GRM1: variants seen among roughly 807,000 people sequenced by gnomAD.
The protein encoded by GRM1 is metabotropic glutamate receptor 1.
In GRM1, 33 loss-of-function variants were observed where a neutral mutation model predicts 90.9. The ratio of observed to expected loss-of-function variants is 0.36; its 90% CI spans 0.28 to 0.49. The LOEUF is 0.49. Among genes scored for constraint, GRM1 ranks in the 20% least tolerant of loss-of-function variants. The pLI, the probability that GRM1 is intolerant of heterozygous loss-of-function variation, is 0.99. For missense variants in GRM1, 1,190 were observed against 1,534.3 expected, an observed-to-expected ratio of 0.78 and a Z score of 3.75; for synonymous variants, 700 against 613.2, an observed-to-expected ratio of 1.14 and a Z score of -2.09.
intron 1 of GRM1, among the ~76,000 whole-genome samples, chr6:146,044,614 T>TA (rs1243033761): frequency 1.3e-5 from 2 of 151,986 alleles, no homozygotes; most frequent in Non-Finnish European, 2.9e-5. Context: ...TGTGTGTTGA[T>TA]ACATGTGAGG....
chr6:146,247,583 T>C (rs1373269405), intron 2 of GRM1, among the ~76,000 whole-genome samples: 4 of 151,742 alleles, frequency 2.6e-5, no homozygotes, highest in Non-Finnish European at 5.9e-5. Flanking sequence ...ACCCTGACTC[T>C]AGTAAAGATA....
intron 2 of GRM1, among the ~76,000 whole-genome samples, chr6:146,268,473 C>T (rs1013074877): frequency 1.3e-5 from 2 of 152,198 alleles, no homozygotes; most frequent in African/African-American, 4.8e-5. Context: ...GTCTTTCCTG[C>T]ATTCCTTCAT....
chr6:146,204,761 G>T (rs182475219), intron 2 of GRM1, among the ~76,000 whole-genome samples: 12 of 152,306 alleles, frequency 7.9e-5, no homozygotes, highest in Non-Finnish European at 1.3e-4. Context: ...GTGCTTTTGG[G>T]ATGCTCAGGT....
intron 2 of GRM1, among the ~76,000 whole-genome samples, chr6:146,271,854 C>A (rs1456863361): frequency 1.3e-5 from 2 of 152,188 alleles, no homozygotes; most frequent in Admixed American, 6.5e-5. Flanking sequence ...AATGAGTCTT[C>A]AATGGTCAGA....
At chr6:146,270,900 T>C (rs1234668497) in intron 2 of GRM1, among the ~76,000 whole-genome samples, 6 of 115,278 alleles carry the variant, frequency 5.2e-5, no homozygotes, top group African/African-American at 1.7e-4. Flanking sequence ...TTTCTTTCTT[T>C]CTTTCTTTCT....
At chr6:146,357,831 GT>G in intron 5 of GRM1, 137 bp downstream of exon 5, 1 of 738,294 alleles carries the variant, frequency 1.4e-6, no homozygotes, top group Non-Finnish European at 2.4e-6. Flanking sequence ...TGGCTCTTGA[GT>G]TTAGGTAAAA....
intron 3 of GRM1, among the ~76,000 whole-genome samples, chr6:146,350,361 C>A (rs1427649818): frequency 6.6e-6 from 1 of 150,954 alleles, no homozygotes; most frequent in Non-Finnish European, 1.5e-5. Flanking sequence ...TACAGTTTGA[C>A]CCTGTTGTTG....
chr6:146,288,126 C>G (rs960887506), intron 2 of GRM1, among the ~76,000 whole-genome samples: 17 of 152,104 alleles, frequency 1.1e-4, no homozygotes, highest in African/African-American at 3.9e-4. Context: ...ATAGAAATGG[C>G]TTAGATTGTC....
At chr6:146,120,326 G>C (rs1008597248) in intron 1 of GRM1, among the ~76,000 whole-genome samples, 9 of 152,188 alleles carry the variant, frequency 5.9e-5, no homozygotes, top group Non-Finnish European at 1.0e-4. Flanking sequence ...ATCAGCTTAA[G>C]GAGATTTTGG....
At chr6:146,344,252 T>C (rs1449494449) in intron 3 of GRM1, among the ~76,000 whole-genome samples, 1 of 152,222 alleles carries the variant, frequency 6.6e-6, no homozygotes. Flanking sequence ...TTGAAAATTA[T>C]TAACGCATAC....
chr6:146,163,789 T>G (rs1199847063), intron 2 of GRM1, among the ~76,000 whole-genome samples: 2 of 152,180 alleles, frequency 1.3e-5, no homozygotes, highest in Admixed American at 6.5e-5. Flanking sequence ...CATGAGAAAA[T>G]TATTTTACAT....
intron 2 of GRM1, among the ~76,000 whole-genome samples, chr6:146,255,597 C>T (rs1461749211): frequency 1.3e-5 from 2 of 152,134 alleles, no homozygotes; most frequent in Admixed American, 1.3e-4. Flanking sequence ...GTCTGGATCT[C>T]ATTCCTTTTG....
intron 3 of GRM1, among the ~76,000 whole-genome samples, chr6:146,307,800 A>G (rs1353703608): frequency 1.3e-5 from 2 of 152,192 alleles, no homozygotes; most frequent in East Asian, 3.9e-4. Flanking sequence ...ACTTAATCCC[A>G]GATGTCACTA....
intron 3 of GRM1, among the ~76,000 whole-genome samples, chr6:146,335,160 T>C (rs1784725436): frequency 1.3e-5 from 2 of 152,300 alleles, no homozygotes; most frequent in East Asian, 1.9e-4. Context: ...ATCTGCAGCC[T>C]CTTGAACTTA....
At chr6:146,413,743 G>C (rs1397384123) in intron 7 of GRM1, among the ~76,000 whole-genome samples, 1 of 152,056 alleles carries the variant, frequency 6.6e-6, no homozygotes, top group Non-Finnish European at 1.5e-5. Flanking sequence ...TCTCCAATTA[G>C]AGACAACCAT....
At chr6:146,082,615 A>G (rs1776402208) in intron 1 of GRM1, among the ~76,000 whole-genome samples, 2 of 152,150 alleles carry the variant, frequency 1.3e-5, no homozygotes, top group South Asian at 4.1e-4. Flanking sequence ...ATCCATCTCT[A>G]AATGTTTCTC....
chr6:146,131,860 C>T (rs1243668761), intron 1 of GRM1, among the ~76,000 whole-genome samples: 12 of 152,068 alleles, frequency 7.9e-5, no homozygotes, highest in African/African-American at 2.2e-4. Context: ...AGAGAATAAA[C>T]GGAGTGTGGT....
intron 6 of GRM1, among the ~76,000 whole-genome samples, 186 bp downstream of exon 6, chr6:146,387,202 G>T (rs894380143): frequency 6.6e-6 from 1 of 152,086 alleles, no homozygotes; most frequent in Non-Finnish European, 1.5e-5. Context: ...TGAAAAGAAA[G>T]TTCATGTAAA....
chr6:146,305,343 T>A (rs989250648), intron 3 of GRM1, among the ~76,000 whole-genome samples: 3 of 151,996 alleles, frequency 2.0e-5, no homozygotes, highest in African/African-American at 7.3e-5. Context: ...AGAACAATGG[T>A]TCACAGCTGG....
Sources: allele counts gnomAD v4.1 joint callset (sites outside exome capture counted in the v4.1 genomes callset), GRCh38; gene constraint gnomAD v4.1.1; transcripts MANE v1.5; gene names NCBI Gene and HGNC (gene_info 2026-07-23, HGNC 2026-07-21).